The following LCMT1 variants were observed in gnomAD, a reference collection of about 807,000 sequenced individuals.
LCMT1 encodes the protein leucine carboxyl methyltransferase 1, also known as [Phosphatase 2A protein]-leucine-carboxy methyltransferase 1.
In LCMT1, 32 loss-of-function variants were observed where a neutral mutation model predicts 47.7. That is an observed-to-expected ratio of 0.67 (90% CI 0.51 to 0.90). LCMT1 has a LOEUF of 0.90. LCMT1 is among the 40% of genes least tolerant of loss of function. The pLI is 0.00. For missense variants in LCMT1, 375 were observed against 415.2 expected (o/e 0.90, Z 0.84); for synonymous variants, 152 against 149.7 (o/e 1.02, Z -0.11).
At position 25,132,858 on chromosome 16, in the gene LCMT1, C is replaced by CTTTTTTTTTTTTTT. The variant is rs34311865; in HGVS notation, c.327+339_327+352dup. On this transcript the variant is annotated intron_variant, in intron 3 of 10. Coordinates refer to ENST00000399069, the MANE Select transcript of LCMT1 (RefSeq NM_016309.3). The stretch of plus-strand genomic sequence containing the variant: ...GGAGAGCTCATGCATGCATTTGTAA[C>CTTTTTTTTTTTTTT]TTTTTTTTTTTTTTTTTGAGCCAGA... Among the ~76,000 whole-genome samples, 50 of 140,592 alleles carry CTTTTTTTTTTTTTT rather than the reference C, an allele frequency of 3.6e-4. 1 individual carries two copies. The highest frequency in any genetic ancestry group is 1.3e-3 in the African/African-American group (49 of 36,994). 92.2% of individuals were successfully genotyped at this position (140,592 alleles called of 152,430 possible).
At chr16:25,130,764 A>G (rs950471064) in intron 2 of LCMT1, among the ~76,000 whole-genome samples, 2 of 152,240 alleles carry the variant, frequency 1.3e-5, no homozygotes, top group South Asian at 2.1e-4. Context: ...GTTCCAGAAC[A>G]TAGCTAGAAT....
intron 6 of LCMT1, among the ~76,000 whole-genome samples, chr16:25,161,558 G>T (rs1961435142): frequency 1.3e-5 from 2 of 151,980 alleles, no homozygotes; most frequent in South Asian, 4.1e-4. Context: ...GTTTCTCCAT[G>T]TAGTCAGGCT....
At chr16:25,152,441 CT>C (rs2141683789) in intron 5 of LCMT1, among the ~76,000 whole-genome samples, 1 of 152,246 alleles carries the variant, frequency 6.6e-6, no homozygotes, top group South Asian at 2.1e-4. Context: ...CTATAGTAGA[CT>C]TTTGCCGATA....
At chr16:25,152,500 A>G (rs1045959227) in intron 5 of LCMT1, among the ~76,000 whole-genome samples, 3 of 152,198 alleles carry the variant, frequency 2.0e-5, no homozygotes, top group African/African-American at 7.2e-5. Context: ...GACTTTCTAA[A>G]TGAGTCTTTT....
At chr16:25,128,685 C>A in intron 2 of LCMT1, 119 bp downstream of exon 2, 1 of 707,490 alleles carries the variant, frequency 1.4e-6, no homozygotes, top group South Asian at 1.8e-5. Context: ...GTGCTTATTT[C>A]CCCAGATCTT....
rs544089097 is a variant in LCMT1, at chr16:25,128,377, G to A, written c.114-98G>A. Reference sequence around the variant, plus strand: ...CTTTTGAGGTGGATGGTTGGTTTTCGTCGAGTTCCTTGATCTGGTTCCTGG... The same window carrying A: ...CTTTTGAGGTGGATGGTTGGTTTTCATCGAGTTCCTTGATCTGGTTCCTGG... On this transcript the variant is annotated intron_variant, in intron 1 of 10. Coordinates refer to ENST00000399069, the MANE Select transcript of LCMT1 (RefSeq NM_016309.3). The A allele has an allele frequency of 4.1e-5, 34 of 828,702 alleles. 1 individual carries two copies. Among genetic ancestry groups the A allele is most frequent in the Admixed American group, 2.1e-4 (8 of 37,222 alleles). 51.3% of individuals were successfully genotyped at this position (828,702 alleles called of 1,614,324 possible). A position where few individuals can be genotyped will look rare whatever the true frequency, so the allele number is the denominator to read the frequency against.
intron 5 of LCMT1, among the ~76,000 whole-genome samples, chr16:25,152,481 A>G (rs1186874513): frequency 6.6e-5 from 10 of 152,098 alleles, no homozygotes; most frequent in African/African-American, 2.4e-4. Context: ...CCATGAAGGA[A>G]TTTTCAACGA....
chr16:25,167,995 G>A (rs1401431154), intron 7 of LCMT1, among the ~76,000 whole-genome samples: 1 of 151,858 alleles, frequency 6.6e-6, no homozygotes, highest in Non-Finnish European at 1.5e-5. Flanking sequence ...GACCTCAAGT[G>A]ATCCGCCCAC....
chr16:25,151,659 G>C (rs770866718), intron 5 of LCMT1, 44 bp downstream of exon 5: 2 of 1,499,970 alleles, frequency 1.3e-6, no homozygotes, highest in Non-Finnish European at 1.8e-6. Context: ...CAGTATTTTT[G>C]CTTCCCACCC....
In LCMT1 at chr16:25,133,385, G is replaced by GTTTTT. The variant is rs1177872054; in HGVS notation, c.327+888_327+892dup. On this transcript the variant is annotated intron_variant, in intron 3 of 10. Transcript: ENST00000399069. ...TGTGGTCTTTGGCTCCTGGGCTTAG[G>GTTTTT]TTTTTTTTTTTTTTTTTTTTTTTTT... Among the ~76,000 whole-genome samples, 42 of 52,620 alleles carry GTTTTT rather than the reference G, an allele frequency of 8.0e-4. 8 individuals carry two copies. The highest frequency in any genetic ancestry group is 2.8e-3 in the Admixed American group (8 of 2,864). The allele number at this position is 52,620 out of a possible 152,430, so 34.5% of individuals were successfully genotyped here.
chr16:25,123,887 G>A (rs1438678656), intron 1 of LCMT1, among the ~76,000 whole-genome samples: 3 of 152,152 alleles, frequency 2.0e-5, no homozygotes, highest in African/African-American at 7.2e-5. Flanking sequence ...GGGATCACAA[G>A]CGTGAGCCAC....
At chr16:25,124,322 C>G (rs905041561) in intron 1 of LCMT1, among the ~76,000 whole-genome samples, 1 of 152,168 alleles carries the variant, frequency 6.6e-6, no homozygotes, top group Admixed American at 6.5e-5. Flanking sequence ...ATCATTTAAG[C>G]AACTCAGGTG....
At chr16:25,160,834 GTGTGCGCACCA>G in intron 5 of LCMT1, 1 of 602,488 alleles carries the variant, frequency 1.7e-6, no homozygotes. Flanking sequence ...GTGTGTATGT[GTGTGCGCACCA>G]TGTGCATGAG....
intron 5 of LCMT1, among the ~76,000 whole-genome samples, chr16:25,159,795 G>C (rs1418035923): frequency 6.6e-6 from 1 of 152,034 alleles, no homozygotes; most frequent in African/African-American, 2.4e-5. Flanking sequence ...CTTTTTTGCT[G>C]AAGTTCTCAG....
In LCMT1 at chr16:25,114,890, C is replaced by T. The variant is rs566586753; in HGVS notation, c.113+2894C>T. ...TGGAGCCCTCCTGATTGCTGTTGTT[C>T]AGCTCTCCTGATCATTCACCTCATT... On this transcript the variant is annotated intron_variant, in intron 1 of 10. Coordinates refer to ENST00000399069, the MANE Select transcript of LCMT1 (RefSeq NM_016309.3). Among the ~76,000 whole-genome samples, 9 of 152,268 alleles carry T rather than the reference C, an allele frequency of 5.9e-5. No homozygotes were observed. The South Asian group carries it at 1.9e-3, about 32-fold the overall frequency.
intron 9 of LCMT1, among the ~76,000 whole-genome samples, chr16:25,171,548 C>T (rs758010322): frequency 1.3e-5 from 2 of 152,118 alleles, no homozygotes; most frequent in African/African-American, 2.4e-5. Context: ...GGGCTTATGC[C>T]CAAACTGATT....
intron 7 of LCMT1, among the ~76,000 whole-genome samples, chr16:25,165,333 C>T (rs760269405): frequency 6.6e-6 from 1 of 152,158 alleles, no homozygotes; most frequent in South Asian, 2.1e-4. Context: ...AGAAAAAGTT[C>T]TGCTTTAGAG....
At chr16:25,162,432 T>TA (rs779438113) in intron 6 of LCMT1, among the ~76,000 whole-genome samples, 87 of 151,370 alleles carry the variant, frequency 5.7e-4, no homozygotes, top group Non-Finnish European at 3.8e-4. Context: ...CTACTAAAAA[T>TA]ACAAAAAATC....
At chr16:25,142,537 C>T (rs1597580961) in intron 4 of LCMT1, 1 of 152,112 alleles carries the variant, frequency 6.6e-6, no homozygotes, top group South Asian at 2.1e-4. Context: ...TGGTAGCACA[C>T]CCAGCAGTTG....
Sources: gnomAD v4.1 joint callset for allele counts (sites outside exome capture counted in the v4.1 genomes callset) on GRCh38, gnomAD v4.1.1 for gene constraint, MANE v1.5 for transcripts, NCBI Gene and HGNC (gene_info 2026-07-23, HGNC 2026-07-21) for gene names.